The following GJB7 variants were observed in gnomAD, a reference collection of about 807,000 sequenced individuals.
GJB7 encodes the protein gap junction beta-7 protein.
For synonymous variants in GJB7, 87 were observed against 95.2 expected (o/e 0.91, Z 0.50); for missense variants, 253 against 256.8 (o/e 0.99, Z 0.10).
At chr6:87,305,407 G>T (rs1373405595) in intron 2 of GJB7, among the ~76,000 whole-genome samples, 1 of 152,076 alleles carries the variant, frequency 6.6e-6, no homozygotes, top group Non-Finnish European at 1.5e-5. Context: ...GCCAAATCAT[G>T]AGTGAATTCC....
In GJB7 at chr6:87,284,289, CTTAA is replaced by C. The variant is rs768316175; in HGVS notation, c.620_623del (p.Ile207SerfsTer8). ...TTTTTAAATATTTTTGGAGACAGCA[CTTAA>C]TAAAGCACTTGAGAACCAAAAAACT... On this transcript the variant is annotated frameshift_variant, in exon 3 of 3. Transcript: ENST00000525899. LOFTEE classifies it high-confidence loss of function. 6.2e-7 allele frequency: 1 copy of C among 1,613,934 alleles called. No individual in the cohort carries two copies. Among genetic ancestry groups the C allele is most frequent in the Admixed American group, 1.7e-5 (1 of 60,002 alleles).
chr6:87,306,384 CAGA>C (rs1776428035), intron 2 of GJB7, among the ~76,000 whole-genome samples: 1 of 152,204 alleles, frequency 6.6e-6, no homozygotes, highest in East Asian at 1.9e-4. Flanking sequence ...AGACACTTCT[CAGA>C]AGAAGACATT....
intron 2 of GJB7, among the ~76,000 whole-genome samples, chr6:87,288,841 A>G (rs1002911879): frequency 6.6e-6 from 1 of 152,132 alleles, no homozygotes; most frequent in African/African-American, 2.4e-5. Context: ...ACTCTAATCC[A>G]TGCCACCTTC....
At chr6:87,312,284 T>C (rs1371771805) in intron 2 of GJB7, among the ~76,000 whole-genome samples, 1 of 148,070 alleles carries the variant, frequency 6.8e-6, no homozygotes, top group African/African-American at 2.5e-5. Flanking sequence ...GAGGCTGAGG[T>C]GGATGGATCA....
intron 2 of GJB7, 51 bp downstream of exon 2, chr6:87,322,815 C>A (rs1035577865): frequency 6.6e-6 from 1 of 152,232 alleles, no homozygotes; most frequent in African/African-American, 2.4e-5. Flanking sequence ...GTACCCGCAC[C>A]CCAAGTCGGT....
chr6:87,298,775 C>T (rs926949002), intron 2 of GJB7: 2 of 247,740 alleles, frequency 8.1e-6, no homozygotes, highest in Non-Finnish European at 1.7e-5. Context: ...GACAGAAATG[C>T]TTCAATTACC....
intron 1 of GJB7, among the ~76,000 whole-genome samples, chr6:87,326,398 G>A (rs1776822333): frequency 6.6e-6 from 1 of 151,922 alleles, no homozygotes; most frequent in East Asian, 1.9e-4. Context: ...TATCTTGTGG[G>A]CATTTAGGGC....
At chr6:87,312,652 A>G (rs887331207) in intron 2 of GJB7, among the ~76,000 whole-genome samples, 3 of 152,362 alleles carry the variant, frequency 2.0e-5, no homozygotes, top group Non-Finnish European at 2.9e-5. Flanking sequence ...AGAATCTCTT[A>G]CAAGTATACA....
At chr6:87,326,192 T>C (rs1238427680) in intron 1 of GJB7, among the ~76,000 whole-genome samples, 1 of 152,248 alleles carries the variant, frequency 6.6e-6, no homozygotes, top group East Asian at 1.9e-4. Flanking sequence ...GGTCTATCAA[T>C]TTTGTTGATC....
intron 2 of GJB7, among the ~76,000 whole-genome samples, chr6:87,286,689 T>C (rs1411915970): frequency 2.0e-5 from 3 of 152,232 alleles, no homozygotes; most frequent in Non-Finnish European, 4.4e-5. Context: ...TCATTGTTTG[T>C]TGGGTCCATG....
At chr6:87,287,274 C>T (rs1776077491) in intron 2 of GJB7, among the ~76,000 whole-genome samples, 1 of 152,182 alleles carries the variant, frequency 6.6e-6, no homozygotes, top group Non-Finnish European at 1.5e-5. Context: ...ATAATTAATA[C>T]TTCTTGTTTT....
At chr6:87,304,225 C>G (rs1451997125) in intron 2 of GJB7, among the ~76,000 whole-genome samples, 2 of 151,998 alleles carry the variant, frequency 1.3e-5, no homozygotes, top group East Asian at 3.9e-4. Flanking sequence ...TTCAAAAAAT[C>G]AATGAATCCA....
intron 2 of GJB7, among the ~76,000 whole-genome samples, chr6:87,320,023 G>A (rs547476910): frequency 1.1e-4 from 16 of 152,250 alleles, no homozygotes; most frequent in African/African-American, 3.6e-4. Context: ...GAAGGGTAGT[G>A]GGGATGGGGG....
At chr6:87,324,756 C>CT (rs1283753446) in intron 1 of GJB7, among the ~76,000 whole-genome samples, 11 of 152,032 alleles carry the variant, frequency 7.2e-5, no homozygotes, top group Admixed American at 3.3e-4. Flanking sequence ...GATGTGGGCT[C>CT]TTTTTTGGTT....
Position 87,284,553 on chromosome 6 carries a change from T to C in GJB7, c.360A>G (p.Leu120=), listed in dbSNP as rs1221096227. ...TGAGGCTGATAAGATAAGCGTACCA[T>C]AGGCCCCCATCCATTGTACCTGGGC... ...YVSPGTMDGG[L]WYAYLISLIV... The change falls in exon 3 of 3, where the codon CTA becomes CTG. Residue 120 remains leucine (L), a synonymous_variant. Transcript: ENST00000525899. The C allele has an allele frequency of 1.9e-6, 3 of 1,614,166 alleles. No homozygotes were observed. The highest frequency in any genetic ancestry group is 1.3e-5 in the African/African-American group (1 of 75,040).
At chr6:87,326,493 C>T (rs1054494752) in intron 1 of GJB7, among the ~76,000 whole-genome samples, 2 of 151,944 alleles carry the variant, frequency 1.3e-5, no homozygotes, top group African/African-American at 4.8e-5. Context: ...TTTCAAAGAA[C>T]ATCTTTATTT....
At chr6:87,297,954 G>T (rs1349392911) in intron 2 of GJB7, among the ~76,000 whole-genome samples, 1 of 152,202 alleles carries the variant, frequency 6.6e-6, no homozygotes, top group Non-Finnish European at 1.5e-5. Context: ...TCTTGGACAA[G>T]GCAAGGAGAT....
chr6:87,293,348 C>T (rs1776207170), intron 2 of GJB7, among the ~76,000 whole-genome samples: 1 of 152,130 alleles, frequency 6.6e-6, no homozygotes, highest in Admixed American at 6.5e-5. Context: ...TTTTTTTAAT[C>T]ATCAATTTAT....
At chr6:87,287,743 T>C (rs1399746657) in intron 2 of GJB7, among the ~76,000 whole-genome samples, 1 of 152,146 alleles carries the variant, frequency 6.6e-6, no homozygotes. Flanking sequence ...CATTTGAAAG[T>C]ACCTTGTTGG....
Sources: allele counts gnomAD v4.1 joint callset (sites outside exome capture counted in the v4.1 genomes callset), GRCh38; gene constraint gnomAD v4.1.1; transcripts MANE v1.5; gene names NCBI Gene and HGNC (gene_info 2026-07-23, HGNC 2026-07-21).